The following PTPRE variants were observed in gnomAD, a reference collection of about 807,000 sequenced individuals.
PTPRE encodes the protein receptor-type tyrosine-protein phosphatase epsilon.
PTPRE carries 51 observed loss-of-function variants against 102.0 expected under a neutral mutation model. That is an observed-to-expected ratio of 0.50 (90% CI 0.40 to 0.63). PTPRE has a LOEUF of 0.63. Ranked by LOEUF, PTPRE falls within the 30% of genes least tolerant of loss-of-function variation. The pLI, the probability that PTPRE is intolerant of heterozygous loss-of-function variation, is 0.00. For synonymous variants in PTPRE, 345 were observed against 348.2 expected (o/e 0.99, Z 0.10); for missense variants, 752 against 915.1 (o/e 0.82, Z 2.30).
chr10:128,005,764 A>G (rs1034386679), intron 2 of PTPRE, among the ~76,000 whole-genome samples: 5 of 152,198 alleles, frequency 3.3e-5, no homozygotes, highest in Admixed American at 6.5e-5. Context: ...TGTAATGGCT[A>G]AAACAATAGA....
At chr10:127,979,292 C>T (rs1036308609) in intron 1 of PTPRE, among the ~76,000 whole-genome samples, 5 of 152,198 alleles carry the variant, frequency 3.3e-5, no homozygotes, top group African/African-American at 1.2e-4. Context: ...ACCTCCCCAA[C>T]CCCCAGCTTT....
At position 127,941,434 on chromosome 10, in the gene PTPRE, G is replaced by A. The variant is rs533730843; in HGVS notation, c.-31+34125G>A. Among the ~76,000 whole-genome samples, 17 of 152,360 alleles carry A rather than the reference G, an allele frequency of 1.1e-4. No individual in the cohort carries two copies. The South Asian group carries it at 2.9e-3, about 26-fold the overall frequency. On this transcript the variant is annotated intron_variant, in intron 1 of 20. Coordinates refer to ENST00000254667, the MANE Select transcript of PTPRE (RefSeq NM_006504.6). The stretch of plus-strand genomic sequence containing the variant: ...TGAGCCAGGGGAGCCAGGTGGGCCT[G>A]AGCCGAGGGGAGCAACACCTATCCC...
chr10:128,054,425 T>C (rs1223878293), intron 6 of PTPRE, among the ~76,000 whole-genome samples: 2 of 152,062 alleles, frequency 1.3e-5, no homozygotes, highest in Non-Finnish European at 2.9e-5. Flanking sequence ...ATGTCAGGCT[T>C]AGATTAGGTC....
chr10:128,005,997 C>T (rs2135579817), intron 2 of PTPRE, among the ~76,000 whole-genome samples: 1 of 152,326 alleles, frequency 6.6e-6, no homozygotes, highest in East Asian at 1.9e-4. Context: ...GCCACCTCCT[C>T]TTCTTATAAA....
rs1390807444 is a variant in PTPRE, at chr10:127,907,496, C to A, written c.-31+187C>A. On this transcript the variant is annotated intron_variant, in intron 1 of 20. Transcript: ENST00000254667. This position sits in a 1 kb window ranked among gnomAD's most constrained non-coding sequence, Gnocchi z 4.8. ...CCAGTACCAGCGGCTGGGGCCCGTA[C>A]GACCCCCGACCCCGGCCTGTGGCGC... 2.0e-5 allele frequency among the ~76,000 whole-genome samples: 3 copies of A among 151,488 alleles called. No homozygotes were observed. The highest frequency in any genetic ancestry group is 7.3e-5 in the African/African-American group (3 of 41,254).
chr10:127,999,285 G>A (rs1479636347), intron 2 of PTPRE: 1 of 152,644 alleles, frequency 6.6e-6, no homozygotes, highest in Non-Finnish European at 1.5e-5. Context: ...CCATACATGT[G>A]CTCAAGAGCC....
chr10:127,986,836 G>A (rs865980591), intron 2 of PTPRE, among the ~76,000 whole-genome samples: 9 of 152,356 alleles, frequency 5.9e-5, no homozygotes, highest in South Asian at 4.1e-4. Context: ...GCCCCGGGCC[G>A]GCCTTCAGAA....
At chr10:127,916,640 G>A (rs887548468) in intron 1 of PTPRE, among the ~76,000 whole-genome samples, 1 of 152,192 alleles carries the variant, frequency 6.6e-6, no homozygotes, top group Non-Finnish European at 1.5e-5. Context: ...AGTAGGAAGC[G>A]GTGTGTCCTG....
chr10:127,924,540 T>C (rs996084280), intron 1 of PTPRE, among the ~76,000 whole-genome samples: 1 of 152,202 alleles, frequency 6.6e-6, no homozygotes, highest in Non-Finnish European at 1.5e-5. Flanking sequence ...GGTGAGCTGT[T>C]TTAAGACCAC....
At chr10:127,932,218 C>T (rs1847496528) in intron 1 of PTPRE, among the ~76,000 whole-genome samples, 1 of 152,216 alleles carries the variant, frequency 6.6e-6, no homozygotes, top group African/African-American at 2.4e-5. Context: ...AAGCAAATTA[C>T]ACGCAAAGTC....
At chr10:128,072,360 A>T (rs980691474) in intron 16 of PTPRE, 146 bp downstream of exon 16, 1 of 691,688 alleles carries the variant, frequency 1.4e-6, no homozygotes, top group South Asian at 2.2e-5. Context: ...TACTTGCTTA[A>T]AAAAAAAAGT....
At chr10:127,993,482 T>C (rs1346453921) in intron 2 of PTPRE, among the ~76,000 whole-genome samples, 1 of 152,110 alleles carries the variant, frequency 6.6e-6, no homozygotes, top group South Asian at 2.1e-4. Context: ...TCTCAGCTCC[T>C]GGAGGGGGCG....
chr10:128,024,145 A>G (rs142587288), intron 2 of PTPRE, among the ~76,000 whole-genome samples: 101 of 152,248 alleles, frequency 6.6e-4, no homozygotes, highest in African/African-American at 2.1e-3. Context: ...GTTTTATGTG[A>G]CCCCCATTCA....
intron 1 of PTPRE, among the ~76,000 whole-genome samples, chr10:127,926,673 G>A (rs1320645498): frequency 6.6e-6 from 1 of 152,054 alleles, no homozygotes; most frequent in Non-Finnish European, 1.5e-5. Context: ...AGTAGTCATG[G>A]TGGCCACAGG....
intron 2 of PTPRE, among the ~76,000 whole-genome samples, chr10:128,020,236 G>A (rs1303587421): frequency 3.3e-5 from 5 of 152,204 alleles, no homozygotes; most frequent in Admixed American, 3.3e-4. Flanking sequence ...TGTACATATG[G>A]ATGTAAATGA....
chr10:127,989,549 A>C (rs906921461), intron 2 of PTPRE, among the ~76,000 whole-genome samples: 12 of 152,208 alleles, frequency 7.9e-5, no homozygotes, highest in African/African-American at 2.9e-4. Flanking sequence ...AGTGGAAAGG[A>C]AGTGCCAGTC....
At chr10:127,914,829 C>T (rs1321519614) in intron 1 of PTPRE, among the ~76,000 whole-genome samples, 1 of 152,282 alleles carries the variant, frequency 6.6e-6, no homozygotes, top group East Asian at 1.9e-4. Flanking sequence ...AATGTGAGCC[C>T]TGCTTGCTGG....
At chr10:127,954,165 C>G (rs1439637070) in intron 1 of PTPRE, among the ~76,000 whole-genome samples, 1 of 152,186 alleles carries the variant, frequency 6.6e-6, no homozygotes, top group Non-Finnish European at 1.5e-5. Flanking sequence ...GTCATGGACT[C>G]GTGATCTAAG....
intron 1 of PTPRE, among the ~76,000 whole-genome samples, chr10:127,979,444 T>A (rs1851441399): frequency 6.6e-6 from 1 of 152,210 alleles, no homozygotes; most frequent in Non-Finnish European, 1.5e-5. Flanking sequence ...CTCTAATTCT[T>A]TAAGAAACTG....
Sources: gnomAD v4.1 joint callset for allele counts (sites outside exome capture counted in the v4.1 genomes callset) on GRCh38, gnomAD v4.1.1 for gene constraint, Gnocchi (gnomAD v3.1) non-coding constraint, MANE v1.5 for transcripts, NCBI Gene and HGNC (gene_info 2026-07-23, HGNC 2026-07-21) for gene names.